The following TULP4 variants were observed in gnomAD, a reference collection of about 807,000 sequenced individuals.
TULP4 encodes the protein tubby-related protein 4.
In TULP4, 16 loss-of-function variants were observed where a neutral mutation model predicts 129.0. That is an observed-to-expected ratio of 0.12 (90% CI 0.08 to 0.19). TULP4 has a LOEUF of 0.19. Among genes scored for constraint, TULP4 ranks in the 10% least tolerant of loss-of-function variants. The pLI is 1.00. For synonymous variants in TULP4, 998 were observed against 854.0 expected (o/e 1.17, Z -2.94); for missense variants, 1,842 against 2,059.1 (o/e 0.89, Z 2.04).
At chr6:158,295,570 C>T (rs144652089) in intron 1 of TULP4, among the ~76,000 whole-genome samples, 6 of 150,754 alleles carry the variant, frequency 4.0e-5, no homozygotes, top group East Asian at 1.9e-4. Flanking sequence ...GTGAACACCC[C>T]GTAACTACCA....
At chr6:158,332,200 AATATATATATATATATAT>A (rs776893885) in intron 1 of TULP4, among the ~76,000 whole-genome samples, 1 of 18,050 alleles carries the variant, frequency 5.5e-5, no homozygotes, top group Non-Finnish European at 1.0e-4. Flanking sequence ...AAAAAAAAAA[AATATATATATATATATAT>A]ATATATATAT....
chr6:158,500,073 C>A (rs910706782), intron 12 of TULP4, among the ~76,000 whole-genome samples: 6 of 152,194 alleles, frequency 3.9e-5, no homozygotes, highest in Admixed American at 3.9e-4. Flanking sequence ...ATCTTTTAAA[C>A]TTTCCCCTTA....
chr6:158,339,123 C>T (rs1441608106), intron 1 of TULP4, among the ~76,000 whole-genome samples: 1 of 152,068 alleles, frequency 6.6e-6, no homozygotes, highest in Non-Finnish European at 1.5e-5. Flanking sequence ...GTCGGCCAGT[C>T]TGAGAAATAA....
chr6:158,295,469 C>A (rs1779010243), intron 1 of TULP4, among the ~76,000 whole-genome samples: 2 of 147,196 alleles, frequency 1.4e-5, no homozygotes, highest in Non-Finnish European at 3.1e-5. Flanking sequence ...TTAAAAAATT[C>A]TCAAATTAAA....
At position 158,314,031 on chromosome 6, in the gene TULP4, G is replaced by A. The variant is rs1779428759; in HGVS notation, c.15G>A (p.Val5=). Residue 5 remains valine, a synonymous_variant, in exon 1 of 14, where the codon GTG becomes GTA. Transcript: ENST00000367097. The part of the protein sequence containing the change: MYAA[V]EHGPVLCSDS... Reference sequence around the variant, plus strand: ...TTGAAGAAAGTATGTATGCAGCAGTGGAACATGGGCCTGTGCTTTGCAGCG... The same window carrying A: ...TTGAAGAAAGTATGTATGCAGCAGTAGAACATGGGCCTGTGCTTTGCAGCG... 6.2e-7 allele frequency: 1 copy of A among 1,614,164 alleles called. No individual in the cohort carries two copies. Among genetic ancestry groups the A allele is most frequent in the Non-Finnish European group, 8.5e-7 (1 of 1,180,032 alleles).
At chr6:158,345,511 G>T (rs1780281437) in intron 1 of TULP4, among the ~76,000 whole-genome samples, 2 of 152,222 alleles carry the variant, frequency 1.3e-5, no homozygotes, top group Admixed American at 1.3e-4. Flanking sequence ...CGCCAGGCGT[G>T]ACATCACATA....
At chr6:158,468,082 C>A (rs927961760) in intron 6 of TULP4, among the ~76,000 whole-genome samples, 1 of 152,226 alleles carries the variant, frequency 6.6e-6, no homozygotes, top group East Asian at 1.9e-4. Context: ...GAGCCGCTTA[C>A]AGACTCCCTG....
chr6:158,494,876 C>A, intron 11 of TULP4, 30 bp downstream of exon 11: 2 of 1,593,474 alleles, frequency 1.3e-6, no homozygotes, highest in Non-Finnish European at 1.7e-6. Context: ...CTCTCATTGT[C>A]CCAGTTGGAA....
intron 6 of TULP4, among the ~76,000 whole-genome samples, chr6:158,468,638 A>G (rs959346727): frequency 3.9e-5 from 6 of 152,248 alleles, no homozygotes; most frequent in Non-Finnish European, 7.3e-5. Flanking sequence ...AGGAAGTAAG[A>G]CTAGAAAAGT....
At chr6:158,427,692 C>T (rs1455199801) in intron 2 of TULP4, 1 of 151,910 alleles carries the variant, frequency 6.6e-6, no homozygotes, top group African/African-American at 2.4e-5. Flanking sequence ...CAGGGTTTCA[C>T]CATGTTGGCC....
At chr6:158,481,429 G>A (rs1003506721) in intron 8 of TULP4, 140 bp downstream of exon 8, 20 of 741,180 alleles carry the variant, frequency 2.7e-5, no homozygotes, top group East Asian at 1.4e-4. Context: ...TTGAAGCTAC[G>A]ACATTTCCAG....
intron 1 of TULP4, 123 bp from the exon 2 acceptor site, chr6:158,412,942 C>T (rs922459595): frequency 1.8e-5 from 24 of 1,354,376 alleles, no homozygotes; most frequent in South Asian, 8.0e-5. Context: ...TCCCTGCATT[C>T]GCCCCCAGTC....
chr6:158,340,206 G>T (rs892465639), intron 1 of TULP4, among the ~76,000 whole-genome samples: 12 of 152,100 alleles, frequency 7.9e-5, no homozygotes, highest in East Asian at 1.9e-4. Context: ...TGGGTTTTTT[G>T]GGGGGAAAGA....
At chr6:158,298,989 A>G (rs575678944) in intron 1 of TULP4, among the ~76,000 whole-genome samples, 1 of 152,348 alleles carries the variant, frequency 6.6e-6, no homozygotes, top group East Asian at 1.9e-4. Context: ...CATGGAGTTC[A>G]GAATCACGGA....
rs869146924 is a variant in TULP4 at position 158,453,485 on chromosome 6, C to CAAAAAAAAAAAAAAA, written c.859+1227_859+1241dup. Among the ~76,000 whole-genome samples, 13 of 17,980 alleles carry CAAAAAAAAAAAAAAA rather than the reference C, an allele frequency of 7.2e-4. 1 individual carries two copies. The highest frequency in any genetic ancestry group is 1.7e-3 in the African/African-American group (8 of 4,794). 11.8% of individuals were successfully genotyped at this position (17,980 alleles called of 152,430 possible). A position where few individuals can be genotyped will look rare whatever the true frequency, so the allele number is the denominator to read the frequency against. ...GGTGACAGAGCGAGACTCTGTCTCA[C>CAAAAAAAAAAAAAAA]AAAAAAAAAAAAAAAAAAAAAAAAG... On this transcript the variant is annotated intron_variant, in intron 5 of 13. Transcript: ENST00000367097.
At chr6:158,444,564 A>G (rs914465984) in intron 3 of TULP4, among the ~76,000 whole-genome samples, 4 of 152,188 alleles carry the variant, frequency 2.6e-5, no homozygotes, top group African/African-American at 4.8e-5. Context: ...ATTTCCCAAC[A>G]TGGTTTTATT....
At chr6:158,296,494 G>C (rs988521834) in intron 1 of TULP4, among the ~76,000 whole-genome samples, 1 of 151,934 alleles carries the variant, frequency 6.6e-6, no homozygotes, top group African/African-American at 2.4e-5. Flanking sequence ...AGAACAGGTA[G>C]TAGGTACAAA....
At chr6:158,276,820 CT>C (rs1184714413) in intron 1 of TULP4, among the ~76,000 whole-genome samples, 1 of 152,010 alleles carries the variant, frequency 6.6e-6, no homozygotes, top group African/African-American at 2.4e-5. Flanking sequence ...AGTATATTTG[CT>C]AATAATAATA....
chr6:158,331,722 C>CGTATATATATGTGTATATAT lies in TULP4; in HGVS notation c.252+17454_252+17455insGTATATATATGTGTATATAT, dbSNP rs1562523116. ...ACACACACACACACACACACACACA[C>CGTATATATATGTGTATATAT]ACACACATACGTATATATATACGTG... On this transcript the variant is annotated intron_variant, in intron 1 of 13. Transcript: ENST00000367097. Among the ~76,000 whole-genome samples, 2 of 36,578 alleles carry CGTATATATATGTGTATATAT rather than the reference C, an allele frequency of 5.5e-5. 1 individual carries two copies. The highest frequency in any genetic ancestry group is 1.0e-4 in the Non-Finnish European group (2 of 19,140). The allele number at this position is 36,578 out of a possible 152,430, so 24.0% of individuals were successfully genotyped here.
Sources: gnomAD v4.1 joint callset for allele counts (sites outside exome capture counted in the v4.1 genomes callset) on GRCh38, gnomAD v4.1.1 for gene constraint, MANE v1.5 for transcripts, NCBI Gene and HGNC (gene_info 2026-07-23, HGNC 2026-07-21) for gene names.